CDC42SE2: variants seen among roughly 807,000 people sequenced by gnomAD.
CDC42SE2 encodes the protein CDC42 small effector protein 2.
A neutral mutation model predicts 11.5 loss-of-function variants in CDC42SE2; 3 were observed. The ratio of observed to expected loss-of-function variants is 0.26; its 90% CI spans 0.12 to 0.67. The LOEUF is 0.67. CDC42SE2 is among the 30% of genes least tolerant of loss of function. The pLI is 0.80. For synonymous variants in CDC42SE2, 33 were observed against 34.8 expected (o/e 0.95, Z 0.18); for missense variants, 82 against 106.8 (o/e 0.77, Z 1.02).
intron 2 of CDC42SE2, among the ~76,000 whole-genome samples, chr5:131,329,188 G>A (rs772179585): frequency 1.3e-5 from 2 of 152,196 alleles, no homozygotes; most frequent in Non-Finnish European, 2.9e-5. Flanking sequence ...GGCAATCAAG[G>A]GGGAGGGAAA....
chr5:131,274,358 TC>T (rs1417891213), intron 1 of CDC42SE2, among the ~76,000 whole-genome samples: 1 of 152,166 alleles, frequency 6.6e-6, no homozygotes, highest in African/African-American at 2.4e-5. Flanking sequence ...TTTCTCATAC[TC>T]CCACATGTGA....
chr5:131,286,379 T>TG (rs1392305536), intron 1 of CDC42SE2, among the ~76,000 whole-genome samples: 1 of 138,266 alleles, frequency 7.2e-6, no homozygotes, highest in African/African-American at 2.8e-5. Flanking sequence ...CAAATGCACC[T>TG]GGCCAGTTTT....
At chr5:131,291,912 C>T (rs1203032713) in intron 1 of CDC42SE2, among the ~76,000 whole-genome samples, 1 of 152,076 alleles carries the variant, frequency 6.6e-6, no homozygotes, top group Non-Finnish European at 1.5e-5. Context: ...CTGTTATGTT[C>T]TCTTGGAATT....
intron 1 of CDC42SE2, among the ~76,000 whole-genome samples, chr5:131,272,833 T>C (rs533642324): frequency 1.8e-3 from 278 of 152,188 alleles, no homozygotes; most frequent in African/African-American, 6.1e-3. Context: ...ATAACAGCTC[T>C]TTTTGAGATT....
intron 2 of CDC42SE2, among the ~76,000 whole-genome samples, chr5:131,354,282 T>A (rs1236442503): frequency 6.6e-6 from 1 of 152,114 alleles, no homozygotes; most frequent in Admixed American, 6.6e-5. Context: ...ATACATGTAT[T>A]ATTTAACAAA....
chr5:131,271,126 C>G (rs1171476237), intron 1 of CDC42SE2, among the ~76,000 whole-genome samples: 1 of 152,144 alleles, frequency 6.6e-6, no homozygotes, highest in Non-Finnish European at 1.5e-5. Context: ...TTCTCCAGCT[C>G]CAATTTAGCC....
intron 1 of CDC42SE2, among the ~76,000 whole-genome samples, chr5:131,273,731 C>G (rs572307320): frequency 4.0e-5 from 6 of 151,064 alleles, no homozygotes; most frequent in African/African-American, 1.5e-4. Context: ...CAAGATCGCA[C>G]CACTGCACTC....
At chr5:131,326,325 G>A (rs528091686) in intron 2 of CDC42SE2, among the ~76,000 whole-genome samples, 2 of 152,096 alleles carry the variant, frequency 1.3e-5, no homozygotes, top group South Asian at 2.1e-4. Flanking sequence ...GGATGGTCTC[G>A]ATCTCCTGAC....
chr5:131,285,981 T>G (rs1202560036), intron 1 of CDC42SE2, among the ~76,000 whole-genome samples: 1 of 152,080 alleles, frequency 6.6e-6, no homozygotes, highest in Admixed American at 6.6e-5. Context: ...CATAAGAGGC[T>G]GTCTAACTAG....
chr5:131,218,335 A>G, the CDC42SE2 span, among the ~76,000 whole-genome samples: 2 of 152,196 alleles, frequency 1.3e-5, no homozygotes, highest in Admixed American at 6.5e-5. Flanking sequence ...AAATAAAACT[A>G]CAATGCAATA....
At chr5:131,221,412 C>T in the CDC42SE2 span, among the ~76,000 whole-genome samples, 2 of 151,788 alleles carry the variant, frequency 1.3e-5, no homozygotes, top group African/African-American at 4.8e-5. Flanking sequence ...GATTGGACAC[C>T]CCTGCTTTAA....
intron 2 of CDC42SE2, among the ~76,000 whole-genome samples, chr5:131,355,960 A>G (rs1749527523): frequency 6.6e-6 from 1 of 152,178 alleles, no homozygotes. Context: ...ATACTATTGC[A>G]CTTTTCTACT....
At chr5:131,308,994 T>C (rs1324001627) in intron 1 of CDC42SE2, among the ~76,000 whole-genome samples, 6 of 148,614 alleles carry the variant, frequency 4.0e-5, no homozygotes, top group African/African-American at 1.2e-4. Flanking sequence ...TGAATAGGAG[T>C]GGTGAGAGAG....
chr5:131,244,587 T>A (rs1031706846), upstream of CDC42SE2, among the ~76,000 whole-genome samples: 2 of 152,180 alleles, frequency 1.3e-5, no homozygotes, highest in Non-Finnish European at 2.9e-5. Flanking sequence ...GGCACATGCC[T>A]GTACTCCCAG....
At chr5:131,390,387 CAA>C (rs1218840587) in intron 4 of CDC42SE2, among the ~76,000 whole-genome samples, 1 of 152,090 alleles carries the variant, frequency 6.6e-6, no homozygotes. Context: ...GGTTGAGAAA[CAA>C]AGTGGAGTTG....
At chr5:131,323,533 CCTCT>C (rs749615609) in intron 2 of CDC42SE2, among the ~76,000 whole-genome samples, 1 of 139,298 alleles carries the variant, frequency 7.2e-6, no homozygotes, top group Non-Finnish European at 1.5e-5. Context: ...AGGGATTGTA[CCTCT>C]CTCTCTCTGG....
chr5:131,292,263 AAAGAT>A (rs1400920917), intron 1 of CDC42SE2, among the ~76,000 whole-genome samples: 23 of 149,298 alleles, frequency 1.5e-4, no homozygotes, highest in Non-Finnish European at 1.3e-4. Flanking sequence ...AAAAAAAAAA[AAAGAT>A]AATAATAATA....
chr5:131,238,053 G>T, the CDC42SE2 span, among the ~76,000 whole-genome samples: 1 of 151,260 alleles, frequency 6.6e-6, no homozygotes, highest in East Asian at 2.0e-4. Flanking sequence ...CATATATTGG[G>T]CCTATCAGTT....
chr5:131,255,416 T>G (rs1339734238), intron 2 of CDC42SE2: 1 of 152,206 alleles, frequency 6.6e-6, no homozygotes, highest in African/African-American at 2.4e-5. Context: ...GTTATATTTC[T>G]GTAGGACAGC....
Sources: allele counts gnomAD v4.1 joint callset (sites outside exome capture counted in the v4.1 genomes callset), GRCh38; gene constraint gnomAD v4.1.1; transcripts MANE v1.5; gene names NCBI Gene and HGNC (gene_info 2026-07-23, HGNC 2026-07-21).